GTF2B: variants seen among roughly 807,000 people sequenced by gnomAD.
GTF2B encodes transcription initiation factor IIB.
A neutral mutation model predicts 34.6 loss-of-function variants in GTF2B; 20 were observed. The ratio of observed to expected loss-of-function variants is 0.58; its 90% CI spans 0.41 to 0.84. GTF2B has a LOEUF of 0.84. Ranked by LOEUF, GTF2B falls within the 40% of genes least tolerant of loss-of-function variation. The pLI is 0.00. For synonymous variants in GTF2B, 142 were observed against 132.4 expected, an observed-to-expected ratio of 1.07 and a Z score of -0.50; for missense variants, 237 against 393.3, an observed-to-expected ratio of 0.60 and a Z score of 3.36.
At position 88,857,348 on chromosome 1, in the gene GTF2B, A is replaced by G; in HGVS notation, c.675T>C (p.Pro225=). ...GTGTAGCTGCCATCTGTACTTGTTT[A>G]GGAAGACAAAGGTTGGAACAGAACC... The part of the protein sequence containing the change: ...MSRFCSNLCL[P]KQVQMAATHI... Residue 225 remains proline, a synonymous_variant, in exon 6 of 7, where the codon CCT becomes CCC. Transcript: ENST00000370500. The G allele has an allele frequency of 6.2e-7, 1 of 1,613,946 alleles. No individual in the cohort carries two copies. Among genetic ancestry groups the G allele is most frequent in the Non-Finnish European group, 8.5e-7 (1 of 1,179,826 alleles).
chr1:88,870,083 A>G (rs1234522042), intron 2 of GTF2B, among the ~76,000 whole-genome samples: 1 of 151,786 alleles, frequency 6.6e-6, no homozygotes, highest in African/African-American at 2.4e-5. Context: ...GCCCACCACC[A>G]CGCCTGGCTA....
At chr1:88,854,075 T>A (rs1227475079) in intron 6 of GTF2B, among the ~76,000 whole-genome samples, 1 of 152,214 alleles carries the variant, frequency 6.6e-6, no homozygotes, top group Non-Finnish European at 1.5e-5. Context: ...TTTTTCTTTA[T>A]AAATCTTTCT....
intron 2 of GTF2B, among the ~76,000 whole-genome samples, chr1:88,882,310 C>CAAAAAAAAA (rs59699371): frequency 3.9e-4 from 14 of 36,020 alleles, no homozygotes; most frequent in African/African-American, 1.1e-3. Flanking sequence ...ACTCTCACTC[C>CAAAAAAAAA]AAAAAAAAAA....
chr1:88,871,709 G>A (rs114982885), intron 2 of GTF2B, among the ~76,000 whole-genome samples: 14 of 152,254 alleles, frequency 9.2e-5, no homozygotes, highest in African/African-American at 2.4e-4. Flanking sequence ...GTATAAAGTC[G>A]TATAAAAGAC....
intron 2 of GTF2B, among the ~76,000 whole-genome samples, chr1:88,866,233 G>A (rs1176663792): frequency 6.6e-6 from 1 of 151,972 alleles, no homozygotes; most frequent in African/African-American, 2.4e-5. Flanking sequence ...TGGGCGTGGT[G>A]GCATGTGCCT....
chr1:88,866,393 T>C (rs1673560487), intron 2 of GTF2B, among the ~76,000 whole-genome samples: 1 of 152,166 alleles, frequency 6.6e-6, no homozygotes, highest in African/African-American at 2.4e-5. Context: ...CTGAAGCCTC[T>C]GACAAAATTT....
chr1:88,868,994 C>T (rs1408174918), intron 2 of GTF2B, among the ~76,000 whole-genome samples: 1 of 152,180 alleles, frequency 6.6e-6, no homozygotes, highest in Admixed American at 6.5e-5. Context: ...CCACCTCTGC[C>T]TCCCAAAGTG....
At chr1:88,871,889 G>A (rs544368945) in intron 2 of GTF2B, among the ~76,000 whole-genome samples, 3 of 151,902 alleles carry the variant, frequency 2.0e-5, no homozygotes, top group African/African-American at 2.4e-5. Flanking sequence ...CCACCACCAC[G>A]CCCAGCTAAT....
intron 1 of GTF2B, among the ~76,000 whole-genome samples, chr1:88,889,884 T>C (rs1233430950): frequency 1.3e-5 from 2 of 151,710 alleles, no homozygotes; most frequent in East Asian, 3.9e-4. Flanking sequence ...AATTTAAAAA[T>C]AAAAAAATTA....
intron 2 of GTF2B, among the ~76,000 whole-genome samples, chr1:88,872,179 TGC>T: frequency 6.6e-6 from 1 of 151,836 alleles, no homozygotes; most frequent in African/African-American, 2.4e-5. Flanking sequence ...TTAGGCCGGG[TGC>T]GGTGGCTCAC....
intron 2 of GTF2B, among the ~76,000 whole-genome samples, chr1:88,875,068 T>A (rs1673789351): frequency 6.6e-6 from 1 of 152,216 alleles, no homozygotes; most frequent in Non-Finnish European, 1.5e-5. Flanking sequence ...TTCCTTCTCA[T>A]GACATGTCAA....
Position 88,891,385 on chromosome 1 carries a change from T to C in GTF2B, c.17+98A>G, listed in dbSNP as rs59574436. 7.4e-3 allele frequency: 6,365 copies of C among 856,104 alleles called. 245 individuals carry two copies. In the African/African-American group the frequency reaches 0.093, roughly 13 times the overall value. The allele number at this position is 856,104 out of a possible 1,614,324, so 53.0% of individuals were successfully genotyped here. On this transcript the variant is annotated intron_variant, in intron 1 of 6. Coordinates refer to ENST00000370500, the MANE Select transcript of GTF2B (RefSeq NM_001514.6). Reference sequence around the variant, plus strand: ...TCCCGCCGCTTCTCTCCCATACCCCTAGGCGCTCAGCCCTACGAGGCTGCC... The same window carrying C: ...TCCCGCCGCTTCTCTCCCATACCCCCAGGCGCTCAGCCCTACGAGGCTGCC...
intron 2 of GTF2B, among the ~76,000 whole-genome samples, chr1:88,884,209 G>C (rs917373888): frequency 1.3e-5 from 2 of 151,956 alleles, no homozygotes; most frequent in African/African-American, 4.8e-5. Context: ...TGTATTTTTA[G>C]TAGAGATGGA....
intron 6 of GTF2B, among the ~76,000 whole-genome samples, chr1:88,854,456 T>G (rs1042863204): frequency 3.3e-5 from 5 of 152,198 alleles, no homozygotes; most frequent in African/African-American, 1.2e-4. Flanking sequence ...CACTACAATG[T>G]TTGGTTAAGT....
intron 1 of GTF2B, among the ~76,000 whole-genome samples, chr1:88,888,594 G>A (rs1674127191): frequency 6.6e-6 from 1 of 152,128 alleles, no homozygotes. Context: ...AAAAGAGGAG[G>A]CCATGTGCAA....
chr1:88,862,129 C>A (rs1252027979), intron 3 of GTF2B, among the ~76,000 whole-genome samples: 1 of 152,128 alleles, frequency 6.6e-6, no homozygotes, highest in African/African-American at 2.4e-5. Context: ...CTACTAAATA[C>A]TAAAACAGTG....
intron 2 of GTF2B, 31 bp from the exon 3 acceptor site, chr1:88,864,145 T>C (rs1379293546): frequency 8.7e-6 from 14 of 1,611,386 alleles, no homozygotes; most frequent in Non-Finnish European, 8.5e-6. Context: ...CTGAATCATT[T>C]TGTCAAGATA....
At chr1:88,885,840 A>G (rs1433954212) in intron 2 of GTF2B, among the ~76,000 whole-genome samples, 2 of 152,220 alleles carry the variant, frequency 1.3e-5, no homozygotes, top group Non-Finnish European at 2.9e-5. Flanking sequence ...TTAACCATTT[A>G]AAAATGTAAA....
At chr1:88,889,120 A>G (rs1674138964) in intron 1 of GTF2B, among the ~76,000 whole-genome samples, 1 of 152,230 alleles carries the variant, frequency 6.6e-6, no homozygotes, top group South Asian at 2.1e-4. Flanking sequence ...CATTTGTTAA[A>G]GCATAAACAC....
Sources: allele counts gnomAD v4.1 joint callset (sites outside exome capture counted in the v4.1 genomes callset), GRCh38; gene constraint gnomAD v4.1.1; transcripts MANE v1.5; gene names NCBI Gene and HGNC (gene_info 2026-07-23, HGNC 2026-07-21).